The following ARL15 variants were observed in gnomAD, a reference collection of about 807,000 sequenced individuals.
ARL15 encodes ADP-ribosylation factor-like protein 15.
A neutral mutation model predicts 25.2 loss-of-function variants in ARL15; 19 were observed. That is an observed-to-expected ratio of 0.75 (90% CI 0.53 to 1.10). The LOEUF is 1.10. Among genes scored for constraint, ARL15 ranks in the 50% least tolerant of loss-of-function variants. The pLI is 0.00. For missense variants in ARL15, 220 were observed against 246.0 expected (o/e 0.89, Z 0.71); for synonymous variants, 94 against 86.8 (o/e 1.08, Z -0.46).
intron 1 of ARL15, among the ~76,000 whole-genome samples, chr5:54,242,265 T>C (rs1756977651): frequency 1.3e-5 from 2 of 152,130 alleles, no homozygotes; most frequent in East Asian, 1.9e-4. Flanking sequence ...ACAGCAATAA[T>C]AACAAATATT....
intron 1 of ARL15, among the ~76,000 whole-genome samples, chr5:54,194,752 T>C (rs1385853794): frequency 6.6e-6 from 1 of 152,170 alleles, no homozygotes; most frequent in East Asian, 1.9e-4. Context: ...CTAATATTTA[T>C]AGATTAAAAA....
chr5:54,090,306 T>C (rs1752092428), intron 4 of ARL15, among the ~76,000 whole-genome samples: 1 of 151,778 alleles, frequency 6.6e-6, no homozygotes, highest in African/African-American at 2.4e-5. Flanking sequence ...TGAACAAAAA[T>C]AGAAGACCAC....
intron 4 of ARL15, among the ~76,000 whole-genome samples, chr5:53,934,819 TAAAGCAC>T (rs1420230800): frequency 1.3e-5 from 2 of 152,244 alleles, no homozygotes; most frequent in African/African-American, 4.8e-5. Flanking sequence ...TGATGATGCA[TAAAGCAC>T]AGTATACATC....
At chr5:54,029,505 T>C (rs755560414) in intron 4 of ARL15, among the ~76,000 whole-genome samples, 14 of 152,130 alleles carry the variant, frequency 9.2e-5, no homozygotes, top group Non-Finnish European at 1.5e-4. Context: ...ATATGTAACA[T>C]ATGCAATAAA....
At chr5:54,009,029 T>A (rs1040917271) in intron 4 of ARL15, among the ~76,000 whole-genome samples, 1 of 152,190 alleles carries the variant, frequency 6.6e-6, no homozygotes, top group Non-Finnish European at 1.5e-5. Flanking sequence ...TTCATTAGAA[T>A]ATCCTGGCAG....
chr5:54,216,901 T>C (rs1756224181), intron 1 of ARL15, among the ~76,000 whole-genome samples: 4 of 152,300 alleles, frequency 2.6e-5, no homozygotes, highest in African/African-American at 9.6e-5. Context: ...ATGTTTTATC[T>C]CTTTCTATTC....
At chr5:53,943,221 A>T (rs144228184) in intron 4 of ARL15, among the ~76,000 whole-genome samples, 33 of 152,292 alleles carry the variant, frequency 2.2e-4, no homozygotes, top group African/African-American at 7.0e-4. Flanking sequence ...TTCACTAGAG[A>T]GAAGAACAAA....
At chr5:54,112,275 A>G (rs558416667) in intron 4 of ARL15, among the ~76,000 whole-genome samples, 1 of 152,354 alleles carries the variant, frequency 6.6e-6, no homozygotes, top group Non-Finnish European at 1.5e-5. Flanking sequence ...GTGAGAAGCC[A>G]GGCACAAGAA....
rs552322578 is a variant in ARL15, at chr5:53,907,590, T to C, written c.463-20877A>G. Among the ~76,000 whole-genome samples the C allele has an allele frequency of 3.8e-4, 54 of 141,890 alleles. 1 individual carries two copies. The highest frequency in any genetic ancestry group is 1.3e-3 in the African/African-American group (50 of 38,022). 93.1% of individuals were successfully genotyped at this position (141,890 alleles called of 152,430 possible). ...TCAGCTCACTGCAAGCTCCGCCTCC[T>C]GGGTTCACGCCATTCTCCTGCCTCA... On this transcript the variant is annotated intron_variant, in intron 4 of 4. Coordinates refer to ENST00000504924, the MANE Select transcript of ARL15 (RefSeq NM_019087.3).
intron 4 of ARL15, among the ~76,000 whole-genome samples, chr5:54,033,539 G>A (rs1750065104): frequency 6.6e-6 from 1 of 151,212 alleles, no homozygotes; most frequent in South Asian, 2.1e-4. Context: ...GGGTGTGGTG[G>A]CGCACACCTA....
intron 1 of ARL15, among the ~76,000 whole-genome samples, chr5:54,236,545 C>T (rs868592111): frequency 2.6e-4 from 40 of 152,046 alleles, no homozygotes; most frequent in African/African-American, 4.1e-4. Context: ...ATGTATGCTT[C>T]GTCTGTCATT....
chr5:54,119,201 G>A (rs936835808), intron 3 of ARL15, among the ~76,000 whole-genome samples: 2 of 152,054 alleles, frequency 1.3e-5, no homozygotes, highest in South Asian at 2.1e-4. Context: ...AAATTAAGAG[G>A]TAGAACCTTT....
chr5:54,148,205 G>A (rs971467473), intron 3 of ARL15, among the ~76,000 whole-genome samples: 2 of 152,162 alleles, frequency 1.3e-5, no homozygotes, highest in African/African-American at 4.8e-5. Flanking sequence ...AGTGTGTCCT[G>A]TACAGTTTCT....
chr5:54,249,278 T>C (rs1757176021), intron 1 of ARL15, among the ~76,000 whole-genome samples: 1 of 152,138 alleles, frequency 6.6e-6, no homozygotes, highest in African/African-American at 2.4e-5. Flanking sequence ...CAGTTGCAGT[T>C]GGCTAAAAAA....
At chr5:54,185,336 T>C (rs929246078) in intron 1 of ARL15, among the ~76,000 whole-genome samples, 1 of 152,168 alleles carries the variant, frequency 6.6e-6, no homozygotes, top group Non-Finnish European at 1.5e-5. Flanking sequence ...TGATCATTTC[T>C]TTCAAGACAA....
chr5:54,112,492 C>T (rs140395728), intron 4 of ARL15, among the ~76,000 whole-genome samples: 1,533 of 152,254 alleles, frequency 0.01, 19 homozygotes, highest in African/African-American at 0.03. Flanking sequence ...TAAAGGAATA[C>T]ATCAGGAGTT....
At chr5:54,093,691 TAAAAAA>T (rs11450435) in intron 4 of ARL15, among the ~76,000 whole-genome samples, 1 of 142,560 alleles carries the variant, frequency 7.0e-6, no homozygotes, top group Non-Finnish European at 1.5e-5. Flanking sequence ...CATTTAAAGT[TAAAAAA>T]AAAAAAAAGA....
chr5:54,271,060 T>G lies in ARL15; in HGVS notation c.48+39372A>C, dbSNP rs184996041. ...TCCCAGGCCTTTGGACTCCAAGGTT[T>G]ACATCAGTGGCTCCCCGGGTTGCCT... On this transcript the variant is annotated intron_variant, in intron 1 of 4. Transcript: ENST00000504924. Among the ~76,000 whole-genome samples, 16 of 152,336 alleles carry G rather than the reference T, an allele frequency of 1.1e-4. No homozygotes were observed. In the East Asian group the frequency reaches 1.5e-3, roughly 15 times the overall value.
intron 4 of ARL15, among the ~76,000 whole-genome samples, chr5:54,008,978 T>C (rs1749141031): frequency 6.6e-6 from 1 of 152,234 alleles, no homozygotes; most frequent in Non-Finnish European, 1.5e-5. Context: ...AAATTATTTC[T>C]ATGTTCATTA....
Sources: allele counts gnomAD v4.1 joint callset (sites outside exome capture counted in the v4.1 genomes callset), GRCh38; gene constraint gnomAD v4.1.1; transcripts MANE v1.5; gene names NCBI Gene and HGNC (gene_info 2026-07-23, HGNC 2026-07-21).